VTI1A: variants seen among roughly 807,000 people sequenced by gnomAD.
The protein encoded by VTI1A is vesicle transport through interaction with t-SNAREs homolog 1A.
Under a neutral mutation model 34.9 loss-of-function variants are expected in VTI1A, and 22 were observed. The observed-to-expected ratio is 0.63, with a 90% CI of 0.45 to 0.90. The LOEUF (loss-of-function observed/expected upper bound fraction) is 0.90. VTI1A is among the 40% of genes least tolerant of loss of function. The pLI, the probability that VTI1A is intolerant of heterozygous loss-of-function variation, is 0.00. For synonymous variants in VTI1A, 87 were observed against 97.3 expected (o/e 0.89, Z 0.62); for missense variants, 268 against 275.6 (o/e 0.97, Z 0.20).
chr10:112,458,027 T>C (rs1213814130), intron 1 of VTI1A, among the ~76,000 whole-genome samples: 1 of 151,398 alleles, frequency 6.6e-6, no homozygotes, highest in African/African-American at 2.4e-5. Flanking sequence ...TTACAGGGAG[T>C]GGATGGGAAG....
intron 5 of VTI1A, among the ~76,000 whole-genome samples, chr10:112,538,830 G>A (rs998571341): frequency 1.7e-4 from 26 of 151,956 alleles, no homozygotes; most frequent in South Asian, 2.1e-4. Context: ...CATGAATAGA[G>A]CCTATAATCA....
At chr10:112,500,688 C>G (rs1020494493) in intron 3 of VTI1A, among the ~76,000 whole-genome samples, 1 of 152,136 alleles carries the variant, frequency 6.6e-6, no homozygotes, top group Non-Finnish European at 1.5e-5. Flanking sequence ...TTTGCTTCTC[C>G]TAGATCAATG....
At chr10:112,519,106 A>T (rs910017598) in intron 3 of VTI1A, among the ~76,000 whole-genome samples, 1 of 152,120 alleles carries the variant, frequency 6.6e-6, no homozygotes, top group Non-Finnish European at 1.5e-5. Flanking sequence ...AGTCTATAAT[A>T]AAGAAACTGT....
intron 7 of VTI1A, among the ~76,000 whole-genome samples, chr10:112,784,118 T>C (rs1477870609): frequency 2.6e-5 from 4 of 152,264 alleles, no homozygotes; most frequent in Non-Finnish European, 5.9e-5. Flanking sequence ...CTCGTGTTTT[T>C]TTATCAGTTC....
chr10:112,648,173 T>C (rs1020119843), intron 5 of VTI1A, among the ~76,000 whole-genome samples: 4 of 152,214 alleles, frequency 2.6e-5, no homozygotes, highest in Non-Finnish European at 4.4e-5. Context: ...GCTAAAAAGA[T>C]TTTTCTCCTC....
At chr10:112,797,499 C>G (rs967394814) in intron 7 of VTI1A, among the ~76,000 whole-genome samples, 1 of 152,080 alleles carries the variant, frequency 6.6e-6, no homozygotes, top group Non-Finnish European at 1.5e-5. Flanking sequence ...GCCCCGAGTC[C>G]CAAGTTTGGG....
intron 7 of VTI1A, among the ~76,000 whole-genome samples, chr10:112,771,806 AT>A (rs779274611): frequency 6.6e-6 from 1 of 152,142 alleles, no homozygotes; most frequent in Non-Finnish European, 1.5e-5. Flanking sequence ...AGAATATGTG[AT>A]TTTTTTGTGA....
At chr10:112,601,645 C>T (rs1196377399) in intron 5 of VTI1A, among the ~76,000 whole-genome samples, 1 of 152,038 alleles carries the variant, frequency 6.6e-6, no homozygotes, top group African/African-American at 2.4e-5. Flanking sequence ...AAACCCTTGA[C>T]CTTTAAATTA....
intron 7 of VTI1A, among the ~76,000 whole-genome samples, chr10:112,790,079 A>G (rs574291814): frequency 2.0e-4 from 31 of 152,196 alleles, no homozygotes; most frequent in Middle Eastern, 6.8e-3. Flanking sequence ...AGTCTCTAGA[A>G]TCTGTCTCCG....
intron 7 of VTI1A, among the ~76,000 whole-genome samples, chr10:112,758,854 G>T (rs1259001361): frequency 2.6e-5 from 4 of 152,214 alleles, no homozygotes; most frequent in Non-Finnish European, 5.9e-5. Context: ...GCTTTTTAAG[G>T]CATGAGCAGC....
chr10:112,518,629 G>GTA (rs1267439293), intron 3 of VTI1A, among the ~76,000 whole-genome samples: 3 of 129,610 alleles, frequency 2.3e-5, no homozygotes, highest in African/African-American at 8.3e-5. Flanking sequence ...GTGTGTATGT[G>GTA]TATATATATG....
chr10:112,743,476 C>G (rs185235830), intron 7 of VTI1A, among the ~76,000 whole-genome samples: 7 of 152,322 alleles, frequency 4.6e-5, no homozygotes, highest in Admixed American at 3.3e-4. Flanking sequence ...GTCCCTCCTG[C>G]AGTGTGGTTT....
chr10:112,667,839 G>A (rs1329001208), intron 5 of VTI1A, among the ~76,000 whole-genome samples: 1 of 152,034 alleles, frequency 6.6e-6, no homozygotes, highest in Non-Finnish European at 1.5e-5. Flanking sequence ...AAGGGGAAAG[G>A]GAGAGCAGAA....
At chr10:112,849,426 G>A in the VTI1A span, among the ~76,000 whole-genome samples, 2 of 152,254 alleles carry the variant, frequency 1.3e-5, no homozygotes, top group South Asian at 2.1e-4. Flanking sequence ...CTGGAGCCTG[G>A]GGCAACCTCG....
chr10:112,792,532 T>A (rs1852519883), intron 7 of VTI1A, among the ~76,000 whole-genome samples: 2 of 152,094 alleles, frequency 1.3e-5, no homozygotes, highest in Admixed American at 6.6e-5. Flanking sequence ...TAATCACCCC[T>A]ACACACACAC....
At chr10:112,518,583 CTCTCTCTATA>C (rs1177149500) in intron 3 of VTI1A, among the ~76,000 whole-genome samples, 212 of 83,180 alleles carry the variant, frequency 2.5e-3, no homozygotes, top group Middle Eastern at 5.6e-3. Flanking sequence ...CTCTCTCTCT[CTCTCTCTATA>C]TATATATATA....
intron 5 of VTI1A, among the ~76,000 whole-genome samples, chr10:112,570,041 A>G (rs1852060102): frequency 6.6e-6 from 1 of 152,192 alleles, no homozygotes; most frequent in South Asian, 2.1e-4. Flanking sequence ...AGACATAATT[A>G]AGGGGATTTC....
Position 112,645,153 on chromosome 10 carries a change from G to A in VTI1A, c.428-23065G>A, listed in dbSNP as rs555177119. Among the ~76,000 whole-genome samples, 69 of 152,222 alleles carry A rather than the reference G, an allele frequency of 4.5e-4. 2 individuals are homozygous for A. The highest frequency in any genetic ancestry group is 9.8e-4 in the Admixed American group (15 of 15,298). ...TTGGTTTTGTATTCCCCTGCCTAGC[G>A]CATAGCAAGTACTCAGTGTGTGTTT... On this transcript the variant is annotated intron_variant, in intron 5 of 7. Coordinates refer to ENST00000393077, the MANE Select transcript of VTI1A (RefSeq NM_145206.4).
intron 5 of VTI1A, among the ~76,000 whole-genome samples, chr10:112,542,645 T>C (rs1850912467): frequency 6.6e-6 from 1 of 152,186 alleles, no homozygotes. Flanking sequence ...TTATTGAACA[T>C]TTAATATGGG....
Sources: allele counts gnomAD v4.1 joint callset (sites outside exome capture counted in the v4.1 genomes callset), GRCh38; gene constraint gnomAD v4.1.1; transcripts MANE v1.5; gene names NCBI Gene and HGNC (gene_info 2026-07-23, HGNC 2026-07-21).